FAM24B: variants seen among roughly 807,000 people sequenced by gnomAD.
FAM24B encodes family with sequence similarity 24 member B.
In FAM24B, 3 loss-of-function variants were observed where a neutral mutation model predicts 2.3. That is an observed-to-expected ratio of 1.29 (90% CI 0.59 to 3.32). The LOEUF is 3.32. FAM24B is among the 30% of genes most tolerant of loss of function. The pLI, the probability that FAM24B is intolerant of heterozygous loss-of-function variation, is 0.03. For missense variants in FAM24B, 98 were observed against 117.2 expected, an observed-to-expected ratio of 0.84 and a Z score of 0.76; for synonymous variants, 36 against 46.3, an observed-to-expected ratio of 0.78 and a Z score of 0.90.
At chr10:122,867,861 G>A (rs550217322) in intron 1 of FAM24B, among the ~76,000 whole-genome samples, 265 of 152,232 alleles carry the variant, frequency 1.7e-3, no homozygotes, top group African/African-American at 6.1e-3. Flanking sequence ...CCGAAAAACC[G>A]GAAACTCTAA....
intron 2 of FAM24B, among the ~76,000 whole-genome samples, chr10:122,853,921 T>G (rs1847590915): frequency 6.6e-6 from 1 of 152,186 alleles, no homozygotes; most frequent in Non-Finnish European, 1.5e-5. Flanking sequence ...GTTACCTGAT[T>G]GCTGTTTGAT....
At chr10:122,866,218 T>C (rs1847802230) in intron 1 of FAM24B, among the ~76,000 whole-genome samples, 1 of 152,136 alleles carries the variant, frequency 6.6e-6, no homozygotes. Flanking sequence ...TTTATCCTTT[T>C]AATGCCTGTG....
chr10:122,869,148 A>C (rs1035935742), intron 1 of FAM24B, among the ~76,000 whole-genome samples: 1 of 152,124 alleles, frequency 6.6e-6, no homozygotes, highest in Non-Finnish European at 1.5e-5. Flanking sequence ...TCTCTGATAA[A>C]ACAGACTTTA....
intron 1 of FAM24B, among the ~76,000 whole-genome samples, chr10:122,863,171 C>G (rs1057458642): frequency 2.6e-5 from 4 of 152,210 alleles, no homozygotes; most frequent in African/African-American, 9.6e-5. Context: ...AAGAATTCAG[C>G]TGCTCCTACC....
intron 1 of FAM24B, among the ~76,000 whole-genome samples, chr10:122,868,922 CA>C (rs1449423034): frequency 2.0e-5 from 3 of 152,170 alleles, no homozygotes; most frequent in Non-Finnish European, 4.4e-5. Flanking sequence ...GGATAAAATT[CA>C]CACATAACAA....
At chr10:122,877,605 C>G (rs957194312) in intron 1 of FAM24B, among the ~76,000 whole-genome samples, 2 of 152,132 alleles carry the variant, frequency 1.3e-5, no homozygotes. Context: ...CATGTCTGCA[C>G]CTTAGCAGGA....
chr10:122,871,316 G>A (rs1847894624), intron 1 of FAM24B, among the ~76,000 whole-genome samples: 1 of 152,162 alleles, frequency 6.6e-6, no homozygotes, highest in Non-Finnish European at 1.5e-5. Context: ...AACATTCCAT[G>A]CTCATGGGTA....
intron 2 of FAM24B, chr10:122,855,354 A>G (rs1382354077): frequency 6.6e-6 from 1 of 152,188 alleles, no homozygotes; most frequent in East Asian, 1.9e-4. Flanking sequence ...CTGTAAAATC[A>G]GTTTTAAAAG....
intron 1 of FAM24B, among the ~76,000 whole-genome samples, chr10:122,876,791 G>A (rs1847982760): frequency 1.3e-5 from 2 of 152,240 alleles, no homozygotes; most frequent in African/African-American, 4.8e-5. Context: ...TGTGAGGACA[G>A]TTGTGATTGA....
chr10:122,864,453 G>T (rs562670472), intron 1 of FAM24B, among the ~76,000 whole-genome samples: 1 of 152,222 alleles, frequency 6.6e-6, no homozygotes, highest in East Asian at 1.9e-4. Flanking sequence ...TGGATTTTTT[G>T]AGTAACTTTT....
At chr10:122,877,356 G>C (rs1847990989) in intron 1 of FAM24B, among the ~76,000 whole-genome samples, 1 of 152,048 alleles carries the variant, frequency 6.6e-6, no homozygotes, top group Non-Finnish European at 1.5e-5. Context: ...GGAAGTGGTG[G>C]AGGTCGCTAG....
chr10:122,856,594 C>A (rs1207955463), intron 1 of FAM24B, among the ~76,000 whole-genome samples: 1 of 152,160 alleles, frequency 6.6e-6, no homozygotes, highest in Non-Finnish European at 1.5e-5. Flanking sequence ...GCAAAAGCAT[C>A]TGAATATCTT....
chr10:122,856,575 G>A (rs902650339), intron 1 of FAM24B, among the ~76,000 whole-genome samples: 4 of 152,166 alleles, frequency 2.6e-5, no homozygotes, highest in African/African-American at 9.7e-5. Flanking sequence ...ACACTGGAAC[G>A]ACCAGACAGC....
chr10:122,860,357 G>GC (rs1318003719), intron 1 of FAM24B, among the ~76,000 whole-genome samples: 1 of 152,218 alleles, frequency 6.6e-6, no homozygotes, highest in Non-Finnish European at 1.5e-5. Context: ...TATATCGATA[G>GC]TTTTTTAGGG....
At chr10:122,865,569 G>A (rs1273496181) in intron 1 of FAM24B, among the ~76,000 whole-genome samples, 2 of 152,126 alleles carry the variant, frequency 1.3e-5, no homozygotes, top group African/African-American at 4.8e-5. Flanking sequence ...GTATTGGTCT[G>A]TATGTTTCCA....
At chr10:122,867,721 G>T (rs1847823994) in intron 1 of FAM24B, among the ~76,000 whole-genome samples, 1 of 152,218 alleles carries the variant, frequency 6.6e-6, no homozygotes, top group East Asian at 1.9e-4. Context: ...CAGACTTGCA[G>T]CTGAGGGTCC....
chr10:122,851,340 T>C (rs1027246632), intron 2 of FAM24B, among the ~76,000 whole-genome samples: 8 of 152,186 alleles, frequency 5.3e-5, no homozygotes, highest in African/African-American at 1.9e-4. Context: ...AACCTTTAAT[T>C]TGAGAAAGAA....
chr10:122,859,386 A>G (rs915096417), intron 1 of FAM24B, among the ~76,000 whole-genome samples: 4 of 152,358 alleles, frequency 2.6e-5, no homozygotes, highest in African/African-American at 9.6e-5. Flanking sequence ...AGAGGCAGCC[A>G]TTACGAACTG....
chr10:122,859,930 G>A (rs546168734), intron 1 of FAM24B, among the ~76,000 whole-genome samples: 31 of 152,262 alleles, frequency 2.0e-4, no homozygotes, highest in Middle Eastern at 3.4e-3. Context: ...CAAGACAACT[G>A]TCTTGAATTC....
Sources: gnomAD v4.1 joint callset for allele counts (sites outside exome capture counted in the v4.1 genomes callset) on GRCh38, gnomAD v4.1.1 for gene constraint, MANE v1.5 for transcripts, NCBI Gene and HGNC (gene_info 2026-07-23, HGNC 2026-07-21) for gene names.